HDAC5: variants seen among roughly 807,000 people sequenced by gnomAD.
HDAC5 encodes antigen NY-CO-9.
In HDAC5, 25 loss-of-function variants were observed where a neutral mutation model predicts 133.3. The ratio of observed to expected loss-of-function variants is 0.19; its 90% CI spans 0.14 to 0.26. HDAC5 has a LOEUF of 0.26. Ranked by LOEUF, HDAC5 falls within the 10% of genes least tolerant of loss-of-function variation. The probability of loss-of-function intolerance (pLI) is 1.00; values close to 1 mark genes in which losing one functional copy is unlikely to be tolerated. For missense variants in HDAC5, 1,041 were observed against 1,460.5 expected (o/e 0.71, Z 4.68); for synonymous variants, 589 against 610.8 (o/e 0.96, Z 0.53).
At position 44,123,255 on chromosome 17, in the gene HDAC5, T is replaced by C. The variant is rs542008910; in HGVS notation, c.-190+249A>G. ...CGAGAAGGCGGGCCCCTCCCTTACCTGTAGGGAAGGCGCCCCTGTCTGGGA... is the reference window on the plus strand; with the variant it reads ...CGAGAAGGCGGGCCCCTCCCTTACCCGTAGGGAAGGCGCCCCTGTCTGGGA... On this transcript the variant is annotated intron_variant, in intron 1 of 26. Coordinates refer to ENST00000682912, the MANE Select transcript of HDAC5 (RefSeq NM_005474.5). The C allele has an allele frequency of 7.3e-4, 215 of 296,342 alleles. No individual in the cohort carries two copies. The South Asian group carries it at 9.8e-3, about 13-fold the overall frequency. 18.4% of individuals were successfully genotyped at this position (296,342 alleles called of 1,614,324 possible). A position where few individuals can be genotyped will look rare whatever the true frequency, so the allele number is the denominator to read the frequency against.
chr17:44,123,393 G>T, intron 1 of HDAC5, 111 bp downstream of exon 1: 1 of 342,390 alleles, frequency 2.9e-6, no homozygotes, highest in Non-Finnish European at 5.3e-6. Flanking sequence ...GGGGCGCGGA[G>T]CGCGGCGCGC....
chr17:44,105,833 C>T (rs893198258), intron 3 of HDAC5, among the ~76,000 whole-genome samples: 5 of 152,216 alleles, frequency 3.3e-5, no homozygotes, highest in African/African-American at 1.2e-4. Context: ...TGGCTGACTG[C>T]TGGGCCCTGT....
intron 2 of HDAC5, among the ~76,000 whole-genome samples, chr17:44,115,686 T>C (rs2052604092): frequency 6.6e-6 from 1 of 152,220 alleles, no homozygotes; most frequent in African/African-American, 2.4e-5. Flanking sequence ...CCCCAAGCAG[T>C]GGCCCCAGTT....
Position 44,078,620 on chromosome 17 carries a change from C to A in HDAC5, c.3209G>T (p.Arg1070Leu). Residue 1070 changes from arginine to leucine, a missense_variant, in exon 26 of 27, where the codon CGG becomes CTG. This residue lies in a region of HDAC5 where 95 missense variants were observed against 107.3 expected (regional missense o/e 0.88). Transcript: ENST00000682912. The stretch of plus-strand genomic sequence containing the variant: ...ACCTGCTTGGGCCTCTCGCAGGGAC[C>A]GGCCCAGACCAGCGGCGAACTTCTG... ...CVQKFAAGLG[R>L]SLREAQAGET... 6.2e-7 allele frequency: 1 copy of A among 1,607,200 alleles called. No homozygotes were observed. Among genetic ancestry groups the A allele is most frequent in the Non-Finnish European group, 8.5e-7 (1 of 1,179,756 alleles).
intron 3 of HDAC5, among the ~76,000 whole-genome samples, chr17:44,102,667 CTT>C (rs33983305): frequency 0.019 from 2,422 of 130,036 alleles, 73 homozygotes; most frequent in African/African-American, 0.06. Context: ...CAGGTTCTCT[CTT>C]TTTTTTTTTT....
chr17:44,121,689 C>A (rs938058799), intron 1 of HDAC5, among the ~76,000 whole-genome samples: 3 of 151,832 alleles, frequency 2.0e-5, no homozygotes, highest in African/African-American at 7.3e-5. Context: ...TAAGATGCCA[C>A]CCCTACGGAA....
At chr17:44,086,532 G>A in intron 14 of HDAC5, 40 bp downstream of exon 14, 1 of 1,278,456 alleles carries the variant, frequency 7.8e-7, no homozygotes, top group Non-Finnish European at 1.0e-6. Context: ...CAGGCCCTCT[G>A]GTGCCTGGCA....
At chr17:44,092,348 C>T (rs369965745) in intron 8 of HDAC5, 33 bp downstream of exon 8, 5 of 1,611,714 alleles carry the variant, frequency 3.1e-6, no homozygotes, top group Non-Finnish European at 4.2e-6. Flanking sequence ...GATTCCCAGA[C>T]CCTCAGAACA....
intron 12 of HDAC5, 54 bp downstream of exon 12, chr17:44,088,333 C>G (rs933325858): frequency 6.5e-7 from 1 of 1,527,584 alleles, no homozygotes; most frequent in Non-Finnish European, 8.8e-7. Flanking sequence ...GCCTGGTACT[C>G]TCCTGTGTCC....
rs2050149718 is a variant in HDAC5 at position 44,076,903 on chromosome 17, C to T, written c.*1473G>A. On this transcript the variant is annotated 3_prime_UTR_variant, in exon 27 of 27. Transcript: ENST00000682912. ...CACAGGGAGAGAGTGGGTAAGGGGC[C>T]GGGAGCCTGGGGCTCAGCACAGAGA... 1.9e-5 allele frequency: 3 copies of T among 157,686 alleles called. No homozygotes were observed. The highest frequency in any genetic ancestry group is 3.8e-4 in the South Asian group (2 of 5,314). 9.8% of individuals were successfully genotyped at this position (157,686 alleles called of 1,614,324 possible).
Position 44,080,365 on chromosome 17 carries a change from C to T in HDAC5, c.2825+36G>A, listed in dbSNP as rs749856924. 11 of 1,596,408 alleles carry T rather than the reference C, an allele frequency of 6.9e-6. No homozygotes were observed. In the East Asian group the frequency reaches 2.5e-4, roughly 36 times the overall value. ...CCTCCCACTGCAGGGCCCAGAGGGGCTCCCACTGACTACCATGGCCCTTTT... is the reference window on the plus strand; with the variant it reads ...CCTCCCACTGCAGGGCCCAGAGGGGTTCCCACTGACTACCATGGCCCTTTT... On this transcript the variant is annotated intron_variant, in intron 22 of 26. Coordinates refer to ENST00000682912, the MANE Select transcript of HDAC5 (RefSeq NM_005474.5).
chr17:44,112,012 A>T (rs995683102), intron 2 of HDAC5, among the ~76,000 whole-genome samples: 3 of 152,218 alleles, frequency 2.0e-5, no homozygotes, highest in South Asian at 2.1e-4. Context: ...ACCTTGGGAG[A>T]GGCACAGATG....
At chr17:44,093,063 G>A in intron 6 of HDAC5, 29 bp downstream of exon 6, 1 of 1,543,834 alleles carries the variant, frequency 6.5e-7, no homozygotes, top group Non-Finnish European at 8.9e-7. Context: ...GCTCACCTAT[G>A]CCCACCCATG....
intron 11 of HDAC5, 43 bp from the exon 12 acceptor site, chr17:44,088,641 C>G (rs755137511): frequency 2.9e-5 from 46 of 1,585,974 alleles, no homozygotes; most frequent in Non-Finnish European, 1.5e-5. Context: ...TGTCAGGGCA[C>G]CTGACTGCCC....
chr17:44,123,541 GGCA>G lies in HDAC5; in HGVS notation c.-230_-228del, dbSNP rs1158853605. On this transcript the variant is annotated 5_prime_UTR_variant, in exon 1 of 27. Coordinates refer to ENST00000682912, the MANE Select transcript of HDAC5 (RefSeq NM_005474.5). ...GAGCTCCGGCTTCGCGGGCGGCGGC[GGCA>G]GCAGCGGCGGCGGCAGCGGCGGCAG... The G allele has an allele frequency of 7.5e-6, 3 of 399,014 alleles. No homozygotes were observed. In the South Asian group the frequency reaches 3.8e-4, roughly 50 times the overall value. 24.7% of individuals were successfully genotyped at this position (399,014 alleles called of 1,614,324 possible).
chr17:44,082,883 C>G (rs575483176), intron 18 of HDAC5, 63 bp from the exon 19 acceptor site: 1 of 1,417,222 alleles, frequency 7.1e-7, no homozygotes, highest in East Asian at 2.5e-5. Flanking sequence ...GAGGGGGTAG[C>G]ACAGGACAGA....
At position 44,092,733 on chromosome 17, in the gene HDAC5, T is replaced by G; in HGVS notation, c.715A>C (p.Lys239Gln). Residue 239 changes from lysine (K) to glutamine (Q), a missense_variant, in exon 7 of 27, where the codon AAA (lysine) becomes CAA (glutamine). Transcript: ENST00000682912. ...TCGTAGGGCCCAGGCAAAGGCAGTT[T>G]GTAGGAGGGAGGCGTCCCAGGGGGG... Reference protein sequence around the residue: ...SGPPGTPPSYKLPLPGPYDSR... With the variant: ...SGPPGTPPSYQLPLPGPYDSR... 1 of 1,477,366 alleles carries G rather than the reference T, an allele frequency of 6.8e-7. No individual in the cohort carries two copies. Among genetic ancestry groups the G allele is most frequent in the Non-Finnish European group, 9.0e-7 (1 of 1,112,530 alleles). 91.5% of individuals were successfully genotyped at this position (1,477,366 alleles called of 1,614,324 possible).
At chr17:44,080,971 T>G in intron 20 of HDAC5, 89 bp from the exon 21 acceptor site, 1 of 1,554,158 alleles carries the variant, frequency 6.4e-7, no homozygotes, top group Non-Finnish European at 8.8e-7. Flanking sequence ...CTGTAGCTCA[T>G]GCCTGTAATC....
At chr17:44,102,236 C>G (rs1348086539) in intron 3 of HDAC5, among the ~76,000 whole-genome samples, 2 of 152,190 alleles carry the variant, frequency 1.3e-5, no homozygotes, top group African/African-American at 4.8e-5. Flanking sequence ...ACGTATCTAC[C>G]CAGAAGAAGG....
Sources: gnomAD v4.1 joint callset for allele counts (sites outside exome capture counted in the v4.1 genomes callset) on GRCh38, gnomAD v4.1.1 for gene constraint, gnomAD v4.1.1 regional missense constraint, MANE v1.5 for transcripts, NCBI Gene and HGNC (gene_info 2026-07-23, HGNC 2026-07-21) for gene names.